SPOPL: variants seen among roughly 807,000 people sequenced by gnomAD.
The protein encoded by SPOPL is speckle type BTB/POZ protein like, also known as speckle-type POZ protein-like.
Under a neutral mutation model 53.8 loss-of-function variants are expected in SPOPL, and 23 were observed. The observed-to-expected ratio is 0.43, with a 90% CI of 0.31 to 0.61. The LOEUF (loss-of-function observed/expected upper bound fraction) is 0.61, where lower values mean the gene tolerates loss of function less well. Among genes scored for constraint, SPOPL ranks in the 20% least tolerant of loss-of-function variants. SPOPL has a pLI of 0.12. For synonymous variants in SPOPL, 164 were observed against 149.7 expected, an observed-to-expected ratio of 1.10 and a Z score of -0.70; for missense variants, 442 against 466.9, an observed-to-expected ratio of 0.95 and a Z score of 0.49.
intron 1 of SPOPL, among the ~76,000 whole-genome samples, chr2:138,537,913 C>A (rs901890102): frequency 6.6e-6 from 1 of 152,130 alleles, no homozygotes; most frequent in African/African-American, 2.4e-5. Context: ...AGTTGTCACG[C>A]TGAAAGTTTT....
chr2:138,569,057 C>T lies in SPOPL; in HGVS notation c.1156C>T (p.Arg386Cys), dbSNP rs142534399. 1.8e-5 allele frequency: 29 copies of T among 1,613,498 alleles called. No homozygotes were observed. Among genetic ancestry groups the T allele is most frequent in the East Asian group, 6.7e-5 (3 of 44,868 alleles). ...ACAGTGTCCACAGTTTGGCATTCCA[C>T]GCAAACGGCTAAAACAGTCCTGAAA... ...SAQCPQFGIP[R>C]KRLKQS The change falls in exon 11 of 11, where the codon CGC (arginine) becomes TGC (cysteine). Residue 386 changes from arginine to cysteine, a missense_variant. Arg to Cys is a radical substitution (Grantham distance 180). Coordinates refer to ENST00000280098, the MANE Select transcript of SPOPL (RefSeq NM_001001664.3).
chr2:138,512,202 CTT>C (rs1488912332), intron 1 of SPOPL, among the ~76,000 whole-genome samples: 2 of 152,032 alleles, frequency 1.3e-5, no homozygotes, highest in African/African-American at 2.4e-5. Context: ...ATTGATTTGT[CTT>C]TTAAAATTAA....
At chr2:138,567,934 A>G (rs140106168) in intron 10 of SPOPL, among the ~76,000 whole-genome samples, 371 of 152,332 alleles carry the variant, frequency 2.4e-3, no homozygotes, top group Non-Finnish European at 4.2e-3. Flanking sequence ...TACATAGGGT[A>G]CAATAAGCAG....
rs572843159 is a variant in SPOPL at position 138,557,549 on chromosome 2, T to C, written c.481-1473T>C. Among the ~76,000 whole-genome samples, 4 of 152,298 alleles carry C rather than the reference T, an allele frequency of 2.6e-5. No homozygotes were observed. In the East Asian group the frequency reaches 5.8e-4, roughly 22 times the overall value. The stretch of plus-strand genomic sequence containing the variant: ...TGGTAGTTTAGCAAATTTATTTATT[T>C]ATGATTCTGTTTTCTGCATAGTTTA... On this transcript the variant is annotated intron_variant, in intron 5 of 10. Coordinates refer to ENST00000280098, the MANE Select transcript of SPOPL (RefSeq NM_001001664.3).
chr2:138,568,585 G>T (rs1228664812), intron 10 of SPOPL, among the ~76,000 whole-genome samples: 2 of 152,146 alleles, frequency 1.3e-5, no homozygotes, highest in Non-Finnish European at 2.9e-5. Context: ...GGAGAGTAGA[G>T]TCCAATATTT....
intron 1 of SPOPL, among the ~76,000 whole-genome samples, chr2:138,522,832 C>T (rs73959459): frequency 0.012 from 1,773 of 152,272 alleles, 39 homozygotes; most frequent in African/African-American, 0.04. Context: ...GTAATTAAAA[C>T]TACAAGATGG....
chr2:138,569,125 C>T lies in SPOPL; in HGVS notation c.*45C>T. ...AAAAATGGAATTGACTTTCACTCCT[C>T]CAGGTCCAGAAGGATTCTAATACAC... On this transcript the variant is annotated 3_prime_UTR_variant, in exon 11 of 11. Coordinates refer to ENST00000280098, the MANE Select transcript of SPOPL (RefSeq NM_001001664.3). The T allele has an allele frequency of 1.9e-6, 3 of 1,597,028 alleles. No homozygotes were observed. The highest frequency in any genetic ancestry group is 2.6e-6 in the Non-Finnish European group (3 of 1,169,602).
chr2:138,527,107 T>C (rs948958126), intron 1 of SPOPL, among the ~76,000 whole-genome samples: 1 of 152,220 alleles, frequency 6.6e-6, no homozygotes, highest in Non-Finnish European at 1.5e-5. Context: ...GATTTTAGTC[T>C]GACTTGTTCC....
chr2:138,518,417 T>G (rs1388921781), intron 1 of SPOPL, among the ~76,000 whole-genome samples: 1 of 152,214 alleles, frequency 6.6e-6, no homozygotes, highest in Non-Finnish European at 1.5e-5. Flanking sequence ...ATATGACTTT[T>G]ATGAGTGAAG....
chr2:138,511,621 CAGAG>C (rs940307917), intron 1 of SPOPL, among the ~76,000 whole-genome samples: 17 of 152,086 alleles, frequency 1.1e-4, no homozygotes, highest in African/African-American at 3.9e-4. Flanking sequence ...TTATGTACCG[CAGAG>C]AGAGAGAACT....
chr2:138,555,165 TGTGTGC>T (rs1430240390), intron 5 of SPOPL, among the ~76,000 whole-genome samples: 129 of 145,024 alleles, frequency 8.9e-4, no homozygotes, highest in African/African-American at 2.4e-3. Flanking sequence ...TGTGTGTGTG[TGTGTGC>T]GAGCCAGACT....
At chr2:138,509,141 A>T (rs1418597618) in intron 1 of SPOPL, among the ~76,000 whole-genome samples, 1 of 152,196 alleles carries the variant, frequency 6.6e-6, no homozygotes, top group Non-Finnish European at 1.5e-5. Flanking sequence ...CAGGTTAGAT[A>T]GGAGATACGT....
intron 1 of SPOPL, among the ~76,000 whole-genome samples, chr2:138,542,193 G>GA (rs1478191203): frequency 2.0e-5 from 3 of 152,112 alleles, no homozygotes; most frequent in Non-Finnish European, 4.4e-5. Context: ...GTGTGCTGCT[G>GA]AAAAAAATGT....
intron 1 of SPOPL, among the ~76,000 whole-genome samples, chr2:138,540,287 T>G (rs571449937): frequency 6.6e-6 from 1 of 152,310 alleles, no homozygotes; most frequent in East Asian, 1.9e-4. Context: ...GTGAAGAAAG[T>G]CATTGGTAGC....
At chr2:138,504,254 T>G (rs184343584) in intron 1 of SPOPL, among the ~76,000 whole-genome samples, 3 of 152,316 alleles carry the variant, frequency 2.0e-5, no homozygotes, top group African/African-American at 7.2e-5. Context: ...GGTGACACTG[T>G]TTTTGGTAAT....
At chr2:138,556,205 T>C (rs1685421472) in intron 5 of SPOPL, among the ~76,000 whole-genome samples, 1 of 151,922 alleles carries the variant, frequency 6.6e-6, no homozygotes, top group Non-Finnish European at 1.5e-5. Context: ...TGTAGATAGG[T>C]ATGTCAGTAA....
rs562138075 is a variant in SPOPL, at chr2:138,562,998, C to G, written c.838-1710C>G. Reference sequence around the variant, plus strand: ...TCGAAAGACAGAATAAAAAGATTAGCCACAAACTGGGAGAAAATATTTGCA... The same window carrying G: ...TCGAAAGACAGAATAAAAAGATTAGGCACAAACTGGGAGAAAATATTTGCA... On this transcript the variant is annotated intron_variant, in intron 8 of 10. Coordinates refer to ENST00000280098, the MANE Select transcript of SPOPL (RefSeq NM_001001664.3). 2.0e-4 allele frequency among the ~76,000 whole-genome samples: 30 copies of G among 152,006 alleles called. No homozygotes were observed. In the Middle Eastern group the frequency reaches 0.014, roughly 69 times the overall value.
intron 5 of SPOPL, among the ~76,000 whole-genome samples, chr2:138,555,131 G>GGTGT (rs61000380): frequency 0.051 from 7,091 of 140,036 alleles, 204 homozygotes; most frequent in African/African-American, 0.076. Flanking sequence ...AGGGTAGGAG[G>GGTGT]GTGTGTGTGT....
chr2:138,552,268 A>T (rs1051353730), intron 4 of SPOPL, among the ~76,000 whole-genome samples: 1 of 151,990 alleles, frequency 6.6e-6, no homozygotes, highest in African/African-American at 2.4e-5. Flanking sequence ...TGTTAAAAAG[A>T]TCTCTTCCTT....
Sources: gnomAD v4.1 joint callset for allele counts (sites outside exome capture counted in the v4.1 genomes callset) on GRCh38, gnomAD v4.1.1 for gene constraint, MANE v1.5 for transcripts, NCBI Gene and HGNC (gene_info 2026-07-23, HGNC 2026-07-21) for gene names.